The following MAD1L1 variants were observed in gnomAD, a reference collection of about 807,000 sequenced individuals.
MAD1L1 encodes the protein mitotic spindle assembly checkpoint protein MAD1.
In MAD1L1, 95 loss-of-function variants were observed where a neutral mutation model predicts 96.9. That is an observed-to-expected ratio of 0.98 (90% CI 0.83 to 1.16). MAD1L1 has a LOEUF of 1.16. MAD1L1 is among the 50% of genes most tolerant of loss of function. The pLI is 0.00. For missense variants in MAD1L1, 1,007 were observed against 954.4 expected (o/e 1.06, Z -0.73); for synonymous variants, 473 against 396.6 (o/e 1.19, Z -2.29).
chr7:1,822,727 A>ATTTT (rs146496198), intron 18 of MAD1L1, among the ~76,000 whole-genome samples: 1 of 134,564 alleles, frequency 7.4e-6, no homozygotes, highest in Admixed American at 7.5e-5. Context: ...CCCGGCCAGC[A>ATTTT]TTTTTTTTTT....
chr7:2,146,323 C>T lies in MAD1L1; in HGVS notation c.1073+2829G>A, dbSNP rs1789298264. Among the ~76,000 whole-genome samples the T allele has an allele frequency of 6.6e-6, 1 of 150,498 alleles. No individual in the cohort carries two copies. Among genetic ancestry groups the T allele is most frequent in the African/African-American group, 2.5e-5 (1 of 40,696 alleles). On this transcript the variant is annotated intron_variant, in intron 11 of 18. Transcript: ENST00000265854. The surrounding 1 kb of genome is among the most constrained non-coding windows in gnomAD (Gnocchi z 6.2). Reference sequence around the variant, plus strand: ...GCACCGGGCACTGGGCTACGAGGAACAGGGCACCGCCTCGAAGAGGGAGCA... The same window carrying T: ...GCACCGGGCACTGGGCTACGAGGAATAGGGCACCGCCTCGAAGAGGGAGCA...
At chr7:2,111,542 C>A (rs1213719734) in intron 11 of MAD1L1, among the ~76,000 whole-genome samples, 1 of 152,210 alleles carries the variant, frequency 6.6e-6, no homozygotes, top group African/African-American at 2.4e-5. Context: ...TAGATTTGAT[C>A]CCGATACGTG....
chr7:1,827,065 G>A (rs570519689), intron 18 of MAD1L1, among the ~76,000 whole-genome samples: 1,897 of 152,354 alleles, frequency 0.012, 21 homozygotes, highest in Non-Finnish European at 0.022. Context: ...GAGGGGAGCC[G>A]AGGGAGTGGG....
chr7:2,124,639 G>A (rs535045440), intron 11 of MAD1L1, among the ~76,000 whole-genome samples: 5 of 152,310 alleles, frequency 3.3e-5, no homozygotes, highest in Non-Finnish European at 5.9e-5. Context: ...GGCAAGGAGC[G>A]TATGGGGCTC....
intron 12 of MAD1L1, among the ~76,000 whole-genome samples, chr7:2,056,376 T>C (rs1230792754): frequency 1.3e-5 from 2 of 151,658 alleles, no homozygotes; most frequent in East Asian, 1.9e-4. Context: ...CAGGCTCTTC[T>C]GTGGGAGGGA....
chr7:1,907,744 T>C (rs1324577284), intron 17 of MAD1L1, among the ~76,000 whole-genome samples: 1 of 152,224 alleles, frequency 6.6e-6, no homozygotes, highest in African/African-American at 2.4e-5. Context: ...CAATAACGTG[T>C]TCCTCTTAAT....
chr7:1,874,612 C>G, intron 18 of MAD1L1: 1 of 438,408 alleles, frequency 2.3e-6, no homozygotes, highest in East Asian at 7.1e-5. Context: ...AGGCAGGTGG[C>G]TCTTCATCGA....
chr7:1,990,632 G>A (rs533740139), intron 14 of MAD1L1, among the ~76,000 whole-genome samples: 34 of 152,394 alleles, frequency 2.2e-4, no homozygotes, highest in South Asian at 1.0e-3. Context: ...GGATGAGGCC[G>A]CTGCAGAACC....
intron 17 of MAD1L1, among the ~76,000 whole-genome samples, chr7:1,906,277 G>A (rs541818695): frequency 2.6e-5 from 4 of 152,244 alleles, no homozygotes; most frequent in Admixed American, 1.3e-4. Context: ...TGCCAACACC[G>A]CTCCTGCTAC....
Position 2,014,492 on chromosome 7 carries a change from G to A in MAD1L1, c.1359+10C>T, listed in dbSNP as rs780338975. 2.2e-5 allele frequency: 35 copies of A among 1,562,036 alleles called. No homozygotes were observed. In the African/African-American group the frequency reaches 2.3e-4, roughly 10 times the overall value. On this transcript the variant is annotated intron_variant, in intron 13 of 18. Transcript: ENST00000265854. ...CTGGCGACGTGAGCCCCACGCCCGCGGCCCCTCACCTCCATCTCGGCGCTG... is the reference window on the plus strand; with the variant it reads ...CTGGCGACGTGAGCCCCACGCCCGCAGCCCCTCACCTCCATCTCGGCGCTG...
At position 2,138,223 on chromosome 7, in the gene MAD1L1, C is replaced by T. The variant is rs566383061; in HGVS notation, c.1073+10929G>A. 1.4e-3 allele frequency among the ~76,000 whole-genome samples: 212 copies of T among 152,264 alleles called. 2 individuals are homozygous for T. Among genetic ancestry groups the T allele is most frequent in the African/African-American group, 4.8e-3 (201 of 41,538 alleles). ...ACTTGCTAAAGAGGGTGAGAGAATG[C>T]AGGGGTGCATACAGGGTCCAAAGGG... is the stretch of plus-strand genomic sequence containing the variant. On this transcript the variant is annotated intron_variant, in intron 11 of 18. Transcript: ENST00000265854.
chr7:2,203,417 C>T (rs77328442), intron 10 of MAD1L1, among the ~76,000 whole-genome samples: 1 of 152,346 alleles, frequency 6.6e-6, no homozygotes, highest in East Asian at 1.9e-4. Flanking sequence ...CACGCCGTGA[C>T]GGGAGCGCAC....
At chr7:1,929,725 C>T (rs1354415411) in intron 17 of MAD1L1, among the ~76,000 whole-genome samples, 15 of 151,190 alleles carry the variant, frequency 9.9e-5, no homozygotes, top group Non-Finnish European at 2.1e-4. Context: ...CTCGCCCATC[C>T]CCCACTGCCA....
chr7:1,831,729 T>C (rs1782712671), intron 18 of MAD1L1, among the ~76,000 whole-genome samples: 1 of 152,150 alleles, frequency 6.6e-6, no homozygotes, highest in African/African-American at 2.4e-5. Flanking sequence ...GTAAATGAGC[T>C]CTTGGGGCCC....
intron 17 of MAD1L1, among the ~76,000 whole-genome samples, chr7:1,909,500 G>C (rs1156330992): frequency 6.6e-6 from 1 of 152,232 alleles, no homozygotes; most frequent in Non-Finnish European, 1.5e-5. Context: ...ATTTGTATCC[G>C]GGTCCTGGCT....
intron 12 of MAD1L1, among the ~76,000 whole-genome samples, chr7:2,020,461 C>A (rs181740311): frequency 9.9e-5 from 15 of 152,228 alleles, no homozygotes; most frequent in Admixed American, 9.8e-4. Context: ...CATGGGCACA[C>A]GGCAGCTGTG....
chr7:1,842,796 G>T (rs1173486652), intron 18 of MAD1L1, among the ~76,000 whole-genome samples: 1 of 152,246 alleles, frequency 6.6e-6, no homozygotes, highest in African/African-American at 2.4e-5. Flanking sequence ...GGTGGGCAGG[G>T]CCTCTGAGTG....
rs768552105 is a variant in MAD1L1, at chr7:2,213,253, T to G, written c.945A>C (p.Gln315His). The G allele has an allele frequency of 5.0e-6, 8 of 1,614,170 alleles. No homozygotes were observed. Among genetic ancestry groups the G allele is most frequent in the Non-Finnish European group, 6.8e-6 (8 of 1,180,028 alleles). Residue 315 changes from glutamine (Q) to histidine (H), a missense_variant, in exon 10 of 19, where the codon CAA (glutamine) becomes CAC (histidine). By Grantham distance (24) the Gln-to-His change is conservative (BLOSUM62 0). Coordinates refer to ENST00000265854, the MANE Select transcript of MAD1L1 (RefSeq NM_001013836.2). Reference sequence around the variant, plus strand: ...TGGTCTGGTCCAGTCTCTCCCAGCTTTGCAGCTTGGCCAGCAGCCTCTGAA... The same window carrying G: ...TGGTCTGGTCCAGTCTCTCCCAGCTGTGCAGCTTGGCCAGCAGCCTCTGAA... ...LENERLLAKLQSWERLDQTMG... is the reference protein window; with the variant it reads ...LENERLLAKLHSWERLDQTMG...
chr7:2,153,478 T>A (rs1188606847), intron 10 of MAD1L1, among the ~76,000 whole-genome samples: 1 of 152,024 alleles, frequency 6.6e-6, no homozygotes, highest in East Asian at 1.9e-4. Flanking sequence ...GAATTGCAAA[T>A]CAAAACCACA....
Sources: gnomAD v4.1 joint callset for allele counts (sites outside exome capture counted in the v4.1 genomes callset) on GRCh38, gnomAD v4.1.1 for gene constraint, Gnocchi (gnomAD v3.1) non-coding constraint, MANE v1.5 for transcripts, NCBI Gene and HGNC (gene_info 2026-07-23, HGNC 2026-07-21) for gene names.